KAZN: variants seen among roughly 807,000 people sequenced by gnomAD.
KAZN encodes kazrin.
In KAZN, 40 loss-of-function variants were observed where a neutral mutation model predicts 87.4. That is an observed-to-expected ratio of 0.46 (90% confidence interval 0.36 to 0.60). The LOEUF is 0.60. KAZN is among the 20% of genes least tolerant of loss of function. KAZN has a pLI of 0.00. For missense variants in KAZN, 898 were observed against 1,073.9 expected (o/e 0.84, Z 2.29); for synonymous variants, 466 against 458.3 (o/e 1.02, Z -0.22).
chr1:14,822,722 G>A (rs187324474), intron 1 of KAZN, among the ~76,000 whole-genome samples: 3 of 152,328 alleles, frequency 2.0e-5, no homozygotes, highest in East Asian at 1.9e-4. Flanking sequence ...AGGCTCCGTC[G>A]TGTTCCGGCA....
intron 1 of KAZN, among the ~76,000 whole-genome samples, chr1:14,840,383 CT>C (rs1466626831): frequency 6.6e-6 from 1 of 152,216 alleles, no homozygotes. Context: ...TTGGGTGCCC[CT>C]GTCCACCTCT....
chr1:14,704,751 C>T (rs1025620472), intron 1 of KAZN, among the ~76,000 whole-genome samples: 1 of 152,180 alleles, frequency 6.6e-6, no homozygotes, highest in African/African-American at 2.4e-5. Context: ...GTACAAATGA[C>T]ATCGGGGTTC....
intron 2 of KAZN, among the ~76,000 whole-genome samples, chr1:14,414,356 A>C (rs1247422473): frequency 2.0e-5 from 3 of 151,948 alleles, no homozygotes; most frequent in African/African-American, 7.3e-5. Context: ...AAAAAAAAAA[A>C]AAAAAAACCT....
chr1:14,845,380 G>A (rs1648612401), intron 1 of KAZN, among the ~76,000 whole-genome samples: 1 of 151,584 alleles, frequency 6.6e-6, no homozygotes, highest in African/African-American at 2.4e-5. Flanking sequence ...TGGATGGATG[G>A]ATGGATGGAT....
intron 5 of KAZN, among the ~76,000 whole-genome samples, chr1:15,058,051 C>T (rs529394097): frequency 3.0e-4 from 46 of 152,330 alleles, no homozygotes; most frequent in African/African-American, 1.1e-3. Flanking sequence ...GCCTTCCGTG[C>T]TCTCTCCCCT....
chr1:15,050,215 G>GAATAGAATAGAATAA (rs1426642177), intron 4 of KAZN, among the ~76,000 whole-genome samples: 29 of 150,392 alleles, frequency 1.9e-4, no homozygotes, highest in Non-Finnish European at 2.4e-4. Context: ...GAATAGAATA[G>GAATAGAATAGAATAA]AATAGAACCT....
At chr1:14,480,323 C>T (rs923412185) in intron 2 of KAZN, among the ~76,000 whole-genome samples, 14 of 152,144 alleles carry the variant, frequency 9.2e-5, no homozygotes, top group African/African-American at 2.9e-4. Context: ...ATTTACTGAG[C>T]CCTGGGCAAG....
At chr1:14,421,030 G>A (rs796523732) in intron 2 of KAZN, among the ~76,000 whole-genome samples, 7 of 152,332 alleles carry the variant, frequency 4.6e-5, no homozygotes, top group South Asian at 4.1e-4. Context: ...AGTGGGCGCC[G>A]AGGCCAAGGA....
chr1:14,276,116 G>A (rs1196906249), intron 2 of KAZN, among the ~76,000 whole-genome samples: 2 of 151,942 alleles, frequency 1.3e-5, no homozygotes, highest in East Asian at 3.9e-4. Flanking sequence ...CCCTGCAGCA[G>A]CCTTTTGGGG....
At chr1:15,064,555 A>G (rs1257841883) in intron 7 of KAZN, among the ~76,000 whole-genome samples, 2 of 152,184 alleles carry the variant, frequency 1.3e-5, no homozygotes, top group East Asian at 1.9e-4. Context: ...CCTTACCACC[A>G]TCATCTTATA....
intron 1 of KAZN, among the ~76,000 whole-genome samples, chr1:14,802,654 G>A (rs1027741356): frequency 1.3e-5 from 2 of 152,184 alleles, no homozygotes; most frequent in Non-Finnish European, 2.9e-5. Flanking sequence ...CGATCAGGGG[G>A]TTGCTTCCCG....
At chr1:14,756,726 A>C (rs1045760796) in intron 1 of KAZN, among the ~76,000 whole-genome samples, 9 of 152,360 alleles carry the variant, frequency 5.9e-5, no homozygotes, top group African/African-American at 2.2e-4. Context: ...GGCATTGTGA[A>C]TATACCAGGC....
intron 2 of KAZN, among the ~76,000 whole-genome samples, chr1:14,382,340 T>C (rs905416781): frequency 1.3e-5 from 2 of 152,062 alleles, no homozygotes; most frequent in Non-Finnish European, 2.9e-5. Flanking sequence ...ATTATACTTT[T>C]AAGTTTTAGG....
At chr1:14,894,775 C>A (rs1655086094) in intron 1 of KAZN, among the ~76,000 whole-genome samples, 1 of 152,264 alleles carries the variant, frequency 6.6e-6, no homozygotes, top group Non-Finnish European at 1.5e-5. Context: ...AATCTCCTTG[C>A]AGATTTCTCC....
At chr1:14,927,857 G>A (rs925118758) in intron 1 of KAZN, among the ~76,000 whole-genome samples, 1 of 152,150 alleles carries the variant, frequency 6.6e-6, no homozygotes, top group Admixed American at 6.5e-5. Flanking sequence ...TGAAACCCGC[G>A]GTTGAGGGGA....
chr1:14,045,190 A>G (rs1461579763), intron 1 of KAZN, among the ~76,000 whole-genome samples: 1 of 152,220 alleles, frequency 6.6e-6, no homozygotes, highest in African/African-American at 2.4e-5. Context: ...TTCCAGACTC[A>G]CAAAATCAGG....
chr1:14,333,977 T>A (rs1657037548), intron 2 of KAZN, among the ~76,000 whole-genome samples: 1 of 152,128 alleles, frequency 6.6e-6, no homozygotes, highest in South Asian at 2.1e-4. Context: ...TCATAAGGAC[T>A]TTGGCTTTCA....
chr1:14,313,697 TATC>T (rs1189939878), intron 2 of KAZN, among the ~76,000 whole-genome samples: 1 of 152,152 alleles, frequency 6.6e-6, no homozygotes, highest in Non-Finnish European at 1.5e-5. Flanking sequence ...GAAAGAAGGT[TATC>T]ATCTAGATCA....
chr1:14,599,162 C>T lies in KAZN; in HGVS notation c.165C>T (p.Ser55=). 2.2e-6 allele frequency: 3 copies of T among 1,376,420 alleles called. No individual in the cohort carries two copies. The highest frequency in any genetic ancestry group is 3.9e-5 in the South Asian group (2 of 51,868). 85.3% of individuals were successfully genotyped at this position (1,376,420 alleles called of 1,614,324 possible). A position where few individuals can be genotyped will look rare whatever the true frequency, so the allele number is the denominator to read the frequency against. The part of the protein sequence containing the change: ...GPGPGPGAAA[S]ASAAGDSAAT... ...GCCCGGGCCCGGGAGCCGCGGCCAG[C>T]GCCTCGGCGGCGGGGGACTCGGCGG... Residue 55 remains serine, a synonymous_variant, in exon 1 of 15, where the codon AGC becomes AGT. Coordinates refer to ENST00000376030, the MANE Select transcript of KAZN (RefSeq NM_201628.3). This position sits in a 1 kb window ranked among gnomAD's most constrained non-coding sequence, Gnocchi z 4.4.
Sources: gnomAD v4.1 joint callset for allele counts (sites outside exome capture counted in the v4.1 genomes callset) on GRCh38, gnomAD v4.1.1 for gene constraint, Gnocchi (gnomAD v3.1) non-coding constraint, MANE v1.5 for transcripts, NCBI Gene and HGNC (gene_info 2026-07-23, HGNC 2026-07-21) for gene names.